The following RAPGEF2 variants were observed in gnomAD, a reference collection of about 807,000 sequenced individuals.
The protein encoded by RAPGEF2 is Rap guanine nucleotide exchange factor 2, also known as PDZ domain containing guanine nucleotide exchange factor (GEF) 1.
Under a neutral mutation model 186.7 loss-of-function variants are expected in RAPGEF2, and 54 were observed. The ratio of observed to expected loss-of-function variants is 0.29; its 90% CI spans 0.23 to 0.36. The LOEUF (loss-of-function observed/expected upper bound fraction) is 0.36. Among genes scored for constraint, RAPGEF2 ranks in the 10% least tolerant of loss-of-function variants. The probability of loss-of-function intolerance (pLI) is 1.00; values close to 1 mark genes in which losing one functional copy is unlikely to be tolerated. For missense variants in RAPGEF2, 1,532 were observed against 2,045.0 expected (o/e 0.75, Z 4.84); for synonymous variants, 712 against 705.9 (o/e 1.01, Z -0.14).
chr4:159,265,327 A>C (rs549636150), intron 7 of RAPGEF2, among the ~76,000 whole-genome samples: 1 of 152,340 alleles, frequency 6.6e-6, no homozygotes, highest in South Asian at 2.1e-4. Flanking sequence ...AACGGTAGTA[A>C]ATGAGTGCTT....
intron 4 of RAPGEF2, among the ~76,000 whole-genome samples, chr4:159,211,748 G>A (rs1017666194): frequency 2.0e-5 from 3 of 152,152 alleles, no homozygotes; most frequent in African/African-American, 7.2e-5. Flanking sequence ...AATCTTGGGT[G>A]CGATTCTCAT....
intron 18 of RAPGEF2, 132 bp from the exon 19 acceptor site, chr4:159,338,982 C>G: frequency 9.4e-7 from 1 of 1,066,424 alleles, no homozygotes; most frequent in Non-Finnish European, 1.4e-6. Context: ...TTGAGGAAGA[C>G]CTAGAGTAAG....
chr4:159,331,091 T>C (rs1013860849), intron 13 of RAPGEF2, among the ~76,000 whole-genome samples: 5 of 152,234 alleles, frequency 3.3e-5, no homozygotes, highest in Non-Finnish European at 7.3e-5. Context: ...ACCTTGACTT[T>C]CTAGTTTCTG....
chr4:159,149,511 C>T (rs1743305268), intron 1 of RAPGEF2, among the ~76,000 whole-genome samples: 1 of 152,148 alleles, frequency 6.6e-6, no homozygotes, highest in South Asian at 2.1e-4. Context: ...CCCAATTTGA[C>T]CTCCCAAAGT....
At chr4:159,226,616 C>T (rs1264375412) in intron 4 of RAPGEF2, among the ~76,000 whole-genome samples, 1 of 152,164 alleles carries the variant, frequency 6.6e-6, no homozygotes, top group Non-Finnish European at 1.5e-5. Flanking sequence ...ACTCTTTCTC[C>T]ATTTAAGTTT....
intron 7 of RAPGEF2, among the ~76,000 whole-genome samples, chr4:159,274,997 T>C (rs1758646843): frequency 6.6e-6 from 1 of 152,048 alleles, no homozygotes; most frequent in African/African-American, 2.4e-5. Context: ...CCATTTCTTC[T>C]TCTTAACTGA....
Position 159,321,517 on chromosome 4 carries a change from C to T in RAPGEF2, c.854-830C>T, listed in dbSNP as rs539862198. ...GCCACTGCGCCTGGTCTTGCCATCT[C>T]TTAATTATATGATGCTGATGCTGAG... On this transcript the variant is annotated intron_variant, in intron 9 of 29. Coordinates refer to ENST00000691494, the MANE Select transcript of RAPGEF2 (RefSeq NM_001394067.2). Among the ~76,000 whole-genome samples, 73 of 152,214 alleles carry T rather than the reference C, an allele frequency of 4.8e-4. 1 individual carries two copies. The highest frequency in any genetic ancestry group is 7.2e-4 in the Admixed American group (11 of 15,272).
chr4:159,105,943 A>G (rs1053367592), intron 1 of RAPGEF2, among the ~76,000 whole-genome samples: 2 of 152,228 alleles, frequency 1.3e-5, no homozygotes, highest in African/African-American at 4.8e-5. Context: ...AGTTAGAAGA[A>G]TAACAATGAC....
intron 1 of RAPGEF2, among the ~76,000 whole-genome samples, chr4:159,121,362 C>CT (rs1739662545): frequency 6.8e-6 from 1 of 147,880 alleles, no homozygotes. Context: ...CTTCTTTTCT[C>CT]TTTTTTCCTT....
intron 20 of RAPGEF2, 82 bp from the exon 21 acceptor site, chr4:159,342,897 C>A: frequency 8.3e-7 from 1 of 1,209,248 alleles, no homozygotes; most frequent in Non-Finnish European, 1.2e-6. Flanking sequence ...AAAGCATAAA[C>A]ATAGAGATGT....
chr4:159,125,368 CAG>C (rs1200543230), intron 1 of RAPGEF2, among the ~76,000 whole-genome samples: 1 of 152,146 alleles, frequency 6.6e-6, no homozygotes, highest in Non-Finnish European at 1.5e-5. Context: ...TGTGTCAAAA[CAG>C]AAACTTACCA....
At chr4:159,241,059 C>G (rs1051195611) in intron 5 of RAPGEF2, 142 bp from the exon 6 acceptor site, 6 of 620,212 alleles carry the variant, frequency 9.7e-6, no homozygotes, top group Non-Finnish European at 1.2e-5. Context: ...TTCAGAGACA[C>G]TTGAAGTTTG....
In RAPGEF2 at chr4:159,351,025, A is replaced by G. The variant is rs150446483; in HGVS notation, c.3865+736A>G. On this transcript the variant is annotated intron_variant, in intron 26 of 29. Coordinates refer to ENST00000691494, the MANE Select transcript of RAPGEF2 (RefSeq NM_001394067.2). ...AGTCTCTCCTGTCCTTGTTACATGGATGCATCTCAATTCTTTTCTCATCCT... is the reference window on the plus strand; with the variant it reads ...AGTCTCTCCTGTCCTTGTTACATGGGTGCATCTCAATTCTTTTCTCATCCT... The G allele has an allele frequency of 3.6e-5, 54 of 1,509,918 alleles. No homozygotes were observed. The East Asian group carries it at 8.3e-4, about 23-fold the overall frequency. The allele number at this position is 1,509,918 out of a possible 1,614,324, so 93.5% of individuals were successfully genotyped here.
At chr4:159,263,757 A>T (rs1055839179) in intron 7 of RAPGEF2, among the ~76,000 whole-genome samples, 4 of 152,192 alleles carry the variant, frequency 2.6e-5, no homozygotes, top group Non-Finnish European at 5.9e-5. Flanking sequence ...AGTGTGATTA[A>T]TCATTACTGA....
intron 1 of RAPGEF2, among the ~76,000 whole-genome samples, chr4:159,158,501 C>G (rs1030106501): frequency 3.9e-5 from 6 of 152,156 alleles, no homozygotes; most frequent in African/African-American, 1.4e-4. Context: ...TAAAAAATTT[C>G]CTACCCAAAT....
chr4:159,353,549 C>A lies in RAPGEF2; in HGVS notation c.4154C>A (p.Pro1385Gln). ...GCTACAGCTACAGTAATTTCTTCTC[C>A]AAGCACAGAGGAACTTTCCCAGGAT... ...LYATATVISS[P>Q]STEELSQDQG... The change falls in exon 28 of 30, where the codon CCA becomes CAA. Residue 1385 changes from proline (P) to glutamine (Q), a missense_variant. Pro to Gln is a moderately conservative substitution (Grantham distance 76). Transcript: ENST00000691494. The surrounding 1 kb of genome is among the most constrained non-coding windows in gnomAD (Gnocchi z 4.3). The A allele has an allele frequency of 6.4e-7, 1 of 1,553,838 alleles. No homozygotes were observed. Among genetic ancestry groups the A allele is most frequent in the Non-Finnish European group, 8.7e-7 (1 of 1,153,896 alleles).
chr4:159,131,524 T>G (rs75493690), intron 1 of RAPGEF2, among the ~76,000 whole-genome samples: 2 of 147,716 alleles, frequency 1.4e-5, no homozygotes, highest in Non-Finnish European at 3.0e-5. Context: ...TTGCTATTTT[T>G]TTTTTTTTTT....
At chr4:159,344,093 G>C in intron 23 of RAPGEF2, 34 bp downstream of exon 23, 1 of 1,521,786 alleles carries the variant, frequency 6.6e-7, no homozygotes, top group Non-Finnish European at 9.1e-7. Context: ...CCCACACACA[G>C]TTCTTATTCT....
At chr4:159,176,570 T>C (rs1026590461) in intron 1 of RAPGEF2, among the ~76,000 whole-genome samples, 1 of 152,216 alleles carries the variant, frequency 6.6e-6, no homozygotes, top group African/African-American at 2.4e-5. Flanking sequence ...CAGGTTTTTT[T>C]CAAATAATAC....
Sources: allele counts gnomAD v4.1 joint callset (sites outside exome capture counted in the v4.1 genomes callset), GRCh38; gene constraint gnomAD v4.1.1; non-coding constraint Gnocchi (gnomAD v3.1); transcripts MANE v1.5; gene names NCBI Gene and HGNC (gene_info 2026-07-23, HGNC 2026-07-21).